PARD3: variants seen among roughly 807,000 people sequenced by gnomAD.
The protein encoded by PARD3 is par-3 family cell polarity regulator.
In PARD3, 75 loss-of-function variants were observed where a neutral mutation model predicts 155.4. That is an observed-to-expected ratio of 0.48 (90% confidence interval 0.40 to 0.58). PARD3 has a LOEUF of 0.58. PARD3 is among the 20% of genes least tolerant of loss of function. The pLI is 0.00. For synonymous variants in PARD3, 576 were observed against 610.5 expected, an observed-to-expected ratio of 0.94 and a Z score of 0.83; for missense variants, 1,642 against 1,721.7, an observed-to-expected ratio of 0.95 and a Z score of 0.82.
At chr10:34,412,315 GT>G (rs1845172146) in intron 5 of PARD3, among the ~76,000 whole-genome samples, 1 of 152,096 alleles carries the variant, frequency 6.6e-6, no homozygotes, top group African/African-American at 2.4e-5. Flanking sequence ...GCAATGGCAT[GT>G]TTTCATTTTA....
rs536511485 is a variant in PARD3 at position 34,567,042 on chromosome 10, T to G, written c.223-49883A>C. Among the ~76,000 whole-genome samples, 41 of 152,268 alleles carry G rather than the reference T, an allele frequency of 2.7e-4. 1 individual carries two copies. The East Asian group carries it at 7.9e-3, about 29-fold the overall frequency. ...CTATAAAGACTTGGAAATAAAGTAT[T>G]GACAAGTTAAGAAAGACTGCCACAT... On this transcript the variant is annotated intron_variant, in intron 2 of 24. Transcript: ENST00000374788.
chr10:34,702,008 C>T (rs545839974), intron 1 of PARD3, among the ~76,000 whole-genome samples: 1 of 152,062 alleles, frequency 6.6e-6, no homozygotes, highest in South Asian at 2.1e-4. Context: ...ACTAAAAATA[C>T]AAAACAATTA....
At chr10:34,304,048 G>A (rs1464885187) in intron 20 of PARD3, among the ~76,000 whole-genome samples, 4 of 152,148 alleles carry the variant, frequency 2.6e-5, no homozygotes, top group South Asian at 2.1e-4. Context: ...GAAGAGAGCC[G>A]GAGGAAAGAG....
At chr10:34,418,394 G>T (rs1845874957) in intron 5 of PARD3, among the ~76,000 whole-genome samples, 1 of 152,080 alleles carries the variant, frequency 6.6e-6, no homozygotes, top group Admixed American at 6.5e-5. Flanking sequence ...GACTAGTCTT[G>T]AACTCCTAGA....
chr10:34,572,237 T>G (rs1393825981), intron 2 of PARD3, among the ~76,000 whole-genome samples: 1 of 152,120 alleles, frequency 6.6e-6, no homozygotes, highest in Non-Finnish European at 1.5e-5. Flanking sequence ...GCTGGGGAAG[T>G]GGCTCACACC....
At chr10:34,128,519 G>A (rs74404919) in intron 23 of PARD3, among the ~76,000 whole-genome samples, 7,105 of 152,212 alleles carry the variant, frequency 0.047, 564 homozygotes, top group African/African-American at 0.16. Flanking sequence ...TCAACAGTGC[G>A]ATATTAGTGC....
At chr10:34,697,766 A>AACACACACACACACACAC (rs377094946) in intron 1 of PARD3, among the ~76,000 whole-genome samples, 128 of 146,538 alleles carry the variant, frequency 8.7e-4, no homozygotes, top group South Asian at 1.9e-3. Flanking sequence ...TTGTAAAACA[A>AACACACACACACACACAC]ACACTCACAC....
intron 7 of PARD3, among the ~76,000 whole-genome samples, chr10:34,384,511 C>T (rs1167938025): frequency 6.6e-6 from 1 of 152,208 alleles, no homozygotes; most frequent in Admixed American, 6.5e-5. Flanking sequence ...CTATAACACT[C>T]TCTCTGTTTA....
At chr10:34,750,379 A>G (rs1330932679) in intron 1 of PARD3, among the ~76,000 whole-genome samples, 2 of 151,992 alleles carry the variant, frequency 1.3e-5, no homozygotes. Flanking sequence ...TTTTTAAAAT[A>G]AAATGATCAA....
chr10:34,813,295 C>T (rs534936338), intron 1 of PARD3, among the ~76,000 whole-genome samples: 72 of 74,372 alleles, frequency 9.7e-4, no homozygotes, highest in African/African-American at 4.0e-3. Context: ...CTGCAGAGTG[C>T]ATATTACTTT....
At chr10:34,392,810 C>T (rs1392965032) in intron 7 of PARD3, among the ~76,000 whole-genome samples, 1 of 152,068 alleles carries the variant, frequency 6.6e-6, no homozygotes, top group Non-Finnish European at 1.5e-5. Flanking sequence ...ATCCTGTACA[C>T]TCTTGTCCCC....
chr10:34,294,148 A>C (rs1262535769), intron 20 of PARD3, among the ~76,000 whole-genome samples: 1 of 152,192 alleles, frequency 6.6e-6, no homozygotes, highest in African/African-American at 2.4e-5. Context: ...TGCCTACTTA[A>C]TCAAATGGCT....
At chr10:34,241,590 A>G (rs902024457) in intron 22 of PARD3, among the ~76,000 whole-genome samples, 5 of 152,260 alleles carry the variant, frequency 3.3e-5, no homozygotes, top group African/African-American at 4.8e-5. Context: ...TGAGCTCTCA[A>G]TACAGAGCAG....
intron 2 of PARD3, among the ~76,000 whole-genome samples, chr10:34,670,702 A>C (rs1452547440): frequency 6.6e-6 from 1 of 152,204 alleles, no homozygotes; most frequent in Non-Finnish European, 1.5e-5. Context: ...TCCTACACTA[A>C]ATGACAAAGT....
intron 3 of PARD3, among the ~76,000 whole-genome samples, chr10:34,498,002 G>A (rs181059115): frequency 1.7e-4 from 26 of 152,142 alleles, no homozygotes; most frequent in African/African-American, 6.3e-4. Flanking sequence ...GTAAAGAAGT[G>A]CTTTCCCCCC....
At chr10:34,738,462 G>A (rs2094954430) in intron 1 of PARD3, among the ~76,000 whole-genome samples, 1 of 152,200 alleles carries the variant, frequency 6.6e-6, no homozygotes, top group African/African-American at 2.4e-5. Context: ...TTATAGGTGT[G>A]AGCCACCTCA....
intron 20 of PARD3, among the ~76,000 whole-genome samples, chr10:34,292,804 A>G (rs1020600848): frequency 1.3e-5 from 2 of 152,126 alleles, no homozygotes; most frequent in African/African-American, 4.8e-5. Context: ...TTAATGAATA[A>G]CATATCCCTT....
intron 1 of PARD3, among the ~76,000 whole-genome samples, chr10:34,731,241 T>C (rs949543485): frequency 2.0e-5 from 3 of 152,210 alleles, no homozygotes; most frequent in Non-Finnish European, 4.4e-5. Context: ...GAGTTTCAAC[T>C]TGCATGGCAT....
intron 22 of PARD3, among the ~76,000 whole-genome samples, chr10:34,162,369 C>T (rs1444499864): frequency 6.6e-6 from 1 of 152,162 alleles, no homozygotes; most frequent in Non-Finnish European, 1.5e-5. Flanking sequence ...GAGAGCTTTC[C>T]TTTTTGTTTA....
Sources: gnomAD v4.1 joint callset for allele counts (sites outside exome capture counted in the v4.1 genomes callset) on GRCh38, gnomAD v4.1.1 for gene constraint, MANE v1.5 for transcripts, NCBI Gene and HGNC (gene_info 2026-07-23, HGNC 2026-07-21) for gene names.